Variants in STRAP observed in about 807,000 individuals in gnomAD.
STRAP encodes serine-threonine kinase receptor-associated protein.
A neutral mutation model predicts 47.0 loss-of-function variants in STRAP; 16 were observed. The ratio of observed to expected loss-of-function variants is 0.34; its 90% CI spans 0.23 to 0.52. The LOEUF (loss-of-function observed/expected upper bound fraction) is 0.52. Among genes scored for constraint, STRAP ranks in the 20% least tolerant of loss-of-function variants. The pLI, the probability that STRAP is intolerant of heterozygous loss-of-function variation, is 0.96. For missense variants in STRAP, 293 were observed against 420.0 expected (o/e 0.70, Z 2.64); for synonymous variants, 130 against 142.7 (o/e 0.91, Z 0.63).
rs1947929787 is a variant in STRAP, at chr12:15,882,527, T to A, written c.-181T>A. The A allele has an allele frequency of 6.1e-5, 25 of 409,464 alleles. No homozygotes were observed. The highest frequency in any genetic ancestry group is 8.9e-5 in the Non-Finnish European group (19 of 213,634). 25.4% of individuals were successfully genotyped at this position (409,464 alleles called of 1,614,324 possible). ...TGTTGCTTGCTGGTCGCAGACTCCC[T>A]GACCCCTCCCTCACCCCTCCCTAAC... On this transcript the variant is annotated 5_prime_UTR_variant, in exon 1 of 10. Transcript: ENST00000419869.
intron 4 of STRAP, among the ~76,000 whole-genome samples, chr12:15,893,722 T>C (rs907912040): frequency 1.3e-5 from 2 of 149,600 alleles, no homozygotes; most frequent in Admixed American, 1.3e-4. Flanking sequence ...AAATATAAAA[T>C]ACTTTTTATT....
chr12:15,884,601 G>A (rs1488797546), intron 2 of STRAP, among the ~76,000 whole-genome samples: 1 of 150,828 alleles, frequency 6.6e-6, no homozygotes. Flanking sequence ...TATACAGACA[G>A]TATCTAGCTA....
rs1232914605 is a variant in STRAP, at chr12:15,887,892, G to A, written c.249-2036G>A. On this transcript the variant is annotated intron_variant, in intron 2 of 9. Transcript: ENST00000419869. This position sits in a 1 kb window ranked among gnomAD's most constrained non-coding sequence, Gnocchi z 5.5. ...AGATTATTTAATAAACTTGAAATTA[G>A]CATATCAAAGGACATTGCCCGGGTT... Among the ~76,000 whole-genome samples, 1 of 152,060 alleles carries A rather than the reference G, an allele frequency of 6.6e-6. No homozygotes were observed. The highest frequency in any genetic ancestry group is 1.5e-5 in the Non-Finnish European group (1 of 68,010).
chr12:15,887,010 A>G lies in STRAP; in HGVS notation c.249-2918A>G, dbSNP rs1160879817. On this transcript the variant is annotated intron_variant, in intron 2 of 9. Transcript: ENST00000419869. This position sits in a 1 kb window ranked among gnomAD's most constrained non-coding sequence, Gnocchi z 5.5. ...TGTGCTCCCAAGAGGGCTTAAGTAG[A>G]TCTGGGATTGGGTCCAGGAATTTAT... Among the ~76,000 whole-genome samples, 6 of 152,168 alleles carry G rather than the reference A, an allele frequency of 3.9e-5. No homozygotes were observed. Among genetic ancestry groups the G allele is most frequent in the Non-Finnish European group, 8.8e-5 (6 of 68,030 alleles).
intron 9 of STRAP, among the ~76,000 whole-genome samples, chr12:15,902,265 C>T (rs1423504730): frequency 6.6e-6 from 1 of 152,150 alleles, no homozygotes; most frequent in Non-Finnish European, 1.5e-5. Flanking sequence ...AGCCACTGCA[C>T]CCGGCCTATC....
At chr12:15,898,047 T>A in intron 7 of STRAP, 29 bp downstream of exon 7, 3 of 1,584,112 alleles carry the variant, frequency 1.9e-6, no homozygotes, top group Non-Finnish European at 2.6e-6. Context: ...GTGATGTGGT[T>A]ACCTTTATCA....
At position 15,903,265 on chromosome 12, in the gene STRAP, G is replaced by A; in HGVS notation, c.*287G>A. 4.0e-6 allele frequency: 1 copy of A among 251,176 alleles called. No homozygotes were observed. The highest frequency in any genetic ancestry group is 7.5e-5 in the East Asian group (1 of 13,408). 15.6% of individuals were successfully genotyped at this position (251,176 alleles called of 1,614,324 possible). On this transcript the variant is annotated 3_prime_UTR_variant, in exon 10 of 10. Coordinates refer to ENST00000419869, the MANE Select transcript of STRAP (RefSeq NM_007178.4). Reference sequence around the variant, plus strand: ...ATCCAATTTCTATTATTACAATTAGGGTTCTTGTAGCTGTTTATGTTAATA... The same window carrying A: ...ATCCAATTTCTATTATTACAATTAGAGTTCTTGTAGCTGTTTATGTTAATA...
At chr12:15,895,576 C>A in intron 6 of STRAP, 80 bp downstream of exon 6, 1 of 1,498,888 alleles carries the variant, frequency 6.7e-7, no homozygotes, top group Non-Finnish European at 8.9e-7. Flanking sequence ...AAGGTATTTA[C>A]TTTTTTTAAA....
rs147071320 is a variant in STRAP at position 15,892,657 on chromosome 12, A to G, written c.404-1390A>G. 7.2e-5 allele frequency among the ~76,000 whole-genome samples: 11 copies of G among 152,324 alleles called. No individual in the cohort carries two copies. In the East Asian group the frequency reaches 2.1e-3, roughly 29 times the overall value. ...CATTTTAATGTTACAGTAATTTGTT[A>G]TGAAAACATTTTTAAGGTGAGGAAA... On this transcript the variant is annotated intron_variant, in intron 4 of 9. Coordinates refer to ENST00000419869, the MANE Select transcript of STRAP (RefSeq NM_007178.4).
intron 1 of STRAP, 65 bp from the exon 2 acceptor site, chr12:15,883,476 A>C (rs935106689): frequency 6.6e-7 from 1 of 1,520,808 alleles, no homozygotes. Flanking sequence ...GTATATTTAC[A>C]TTTGAATCTT....
rs143931116 is a variant in STRAP at position 15,902,918 on chromosome 12, A to C, written c.993A>C (p.Glu331Asp). The change falls in exon 10 of 10, where the codon GAA (glutamate) becomes GAC (aspartate). Residue 331 changes from glutamate to aspartate, a missense_variant and splice_region_variant. Coordinates refer to ENST00000419869, the MANE Select transcript of STRAP (RefSeq NM_007178.4). ...TTTTTTTTTTTTTTTTACTTATAGA[A>C]GAAATTGCTTCAGAGAATTCAGATT... ...GFPETTEEEL[E>D]EIASENSDCI... The C allele has an allele frequency of 4.6e-4, 686 of 1,496,890 alleles. 1 individual carries two copies. The highest frequency in any genetic ancestry group is 2.1e-3 in the Admixed American group (92 of 44,410). The allele number at this position is 1,496,890 out of a possible 1,614,324, so 92.7% of individuals were successfully genotyped here. A position where few individuals can be genotyped will look rare whatever the true frequency, so the allele number is the denominator to read the frequency against.
At position 15,900,648 on chromosome 12, in the gene STRAP, T is replaced by G. The variant is rs189434558; in HGVS notation, c.926-299T>G. On this transcript the variant is annotated intron_variant, in intron 8 of 9. Coordinates refer to ENST00000419869, the MANE Select transcript of STRAP (RefSeq NM_007178.4). ...GAAGGCAATATAAAGAATTTACAAG[T>G]AAATGTATCTAATCTCTGAATAGTA... Among the ~76,000 whole-genome samples, 36 of 152,310 alleles carry G rather than the reference T, an allele frequency of 2.4e-4. 1 individual carries two copies. Among genetic ancestry groups the G allele is most frequent in the African/African-American group, 8.4e-4 (35 of 41,566 alleles).
chr12:15,883,537 C>T lies in STRAP; in HGVS notation c.113-4C>T. ...AATTACATGTTTTAAAAAATATTTT[C>T]TAGATGGTAAACCTATGCTACGCCA... On this transcript the variant is annotated splice_region_variant and splice_polypyrimidine_tract_variant and intron_variant, in intron 1 of 9. Transcript: ENST00000419869. 1 of 1,608,490 alleles carries T rather than the reference C, an allele frequency of 6.2e-7. No homozygotes were observed. Among genetic ancestry groups the T allele is most frequent in the Non-Finnish European group, 8.5e-7 (1 of 1,178,866 alleles).
chr12:15,888,807 T>C (rs1187467016), intron 2 of STRAP, among the ~76,000 whole-genome samples: 1 of 152,186 alleles, frequency 6.6e-6, no homozygotes, highest in African/African-American at 2.4e-5. Flanking sequence ...AAAGCTCTAC[T>C]ATGGCAAGAA....
intron 2 of STRAP, among the ~76,000 whole-genome samples, chr12:15,889,596 G>A (rs1266812554): frequency 6.6e-6 from 1 of 152,114 alleles, no homozygotes; most frequent in African/African-American, 2.4e-5. Context: ...TTGCTAAAGG[G>A]ATATTATGGC....
Position 15,897,869 on chromosome 12 carries a change from A to C in STRAP, c.639-13A>C, listed in dbSNP as rs772096190. ...ATTCAAGATTTGTAAATACTACTTA[A>C]ATTTTTTTTCAGTTTGGACCCAATT... On this transcript the variant is annotated splice_polypyrimidine_tract_variant and intron_variant, in intron 6 of 9. Transcript: ENST00000419869. 2 of 1,496,222 alleles carry C rather than the reference A, an allele frequency of 1.3e-6. No individual in the cohort carries two copies. Among genetic ancestry groups the C allele is most frequent in the Non-Finnish European group, 1.8e-6 (2 of 1,125,666 alleles). 92.7% of individuals were successfully genotyped at this position (1,496,222 alleles called of 1,614,324 possible).
Position 15,883,788 on chromosome 12 carries a change from C to T in STRAP, c.248+112C>T, listed in dbSNP as rs1210516224. 39 of 1,384,984 alleles carry T rather than the reference C, an allele frequency of 2.8e-5. 1 individual carries two copies. The highest frequency in any genetic ancestry group is 9.7e-7 in the Non-Finnish European group (1 of 1,026,178). 85.8% of individuals were successfully genotyped at this position (1,384,984 alleles called of 1,614,324 possible). On this transcript the variant is annotated intron_variant, in intron 2 of 9. Transcript: ENST00000419869. ...AAATTCTGACTCACTGGCTGCCATA[C>T]AGAACGCATGTTTGATCCCACCAAA...
In STRAP at chr12:15,889,924, T is replaced by C. The variant is rs1285904853; in HGVS notation, c.249-4T>C. On this transcript the variant is annotated splice_polypyrimidine_tract_variant and splice_region_variant and intron_variant, in intron 2 of 9. Coordinates refer to ENST00000419869, the MANE Select transcript of STRAP (RefSeq NM_007178.4). ...CCTACTAATTTTCTCTTTTTTACTTTTAGCAAAGTGTGGGATGCTGTCTCA... is the reference window on the plus strand; with the variant it reads ...CCTACTAATTTTCTCTTTTTTACTTCTAGCAAAGTGTGGGATGCTGTCTCA... 1 of 1,612,820 alleles carries C rather than the reference T, an allele frequency of 6.2e-7. No homozygotes were observed. Among genetic ancestry groups the C allele is most frequent in the Non-Finnish European group, 8.5e-7 (1 of 1,179,180 alleles).
chr12:15,883,271 C>G, intron 1 of STRAP: 1 of 999,164 alleles, frequency 1.0e-6, no homozygotes, highest in South Asian at 1.5e-5. Context: ...GCTAAGATGT[C>G]TGTCCAAAAT....
Sources: gnomAD v4.1 joint callset for allele counts (sites outside exome capture counted in the v4.1 genomes callset) on GRCh38, gnomAD v4.1.1 for gene constraint, Gnocchi (gnomAD v3.1) non-coding constraint, MANE v1.5 for transcripts, NCBI Gene and HGNC (gene_info 2026-07-23, HGNC 2026-07-21) for gene names.